LTBP1: variants seen among roughly 807,000 people sequenced by gnomAD.
The protein encoded by LTBP1 is latent transforming growth factor beta binding protein 1, also known as latent-transforming growth factor beta-binding protein 1.
LTBP1 carries 129 observed loss-of-function variants against 207.6 expected under a neutral mutation model. That is an observed-to-expected ratio of 0.62 (90% CI 0.54 to 0.72). The LOEUF (loss-of-function observed/expected upper bound fraction) is 0.72, where lower values mean the gene tolerates loss of function less well. Among genes scored for constraint, LTBP1 ranks in the 30% least tolerant of loss-of-function variants. LTBP1 has a pLI of 0.00. For synonymous variants in LTBP1, 963 were observed against 833.7 expected (o/e 1.16, Z -2.67); for missense variants, 2,281 against 2,217.2 (o/e 1.03, Z -0.58).
intron 27 of LTBP1, among the ~76,000 whole-genome samples, chr2:33,361,113 C>T (rs12999028): frequency 0.99 from 151,576 of 152,360 alleles, 75,401 homozygotes; most frequent in Middle Eastern, 1. Context: ...GCTATGATTT[C>T]GTGTAATTGA....
At chr2:33,204,089 C>G (rs552765942) in intron 7 of LTBP1, among the ~76,000 whole-genome samples, 1 of 152,198 alleles carries the variant, frequency 6.6e-6, no homozygotes, top group East Asian at 1.9e-4. Flanking sequence ...GAAATCTGCC[C>G]CATAAAGTTG....
intron 31 of LTBP1, among the ~76,000 whole-genome samples, chr2:33,384,324 C>T (rs916462861): frequency 6.6e-6 from 1 of 152,344 alleles, no homozygotes; most frequent in South Asian, 2.1e-4. Flanking sequence ...CGTCCCATAG[C>T]ATCCCTTATG....
intron 2 of LTBP1, among the ~76,000 whole-genome samples, chr2:33,016,799 G>T (rs1260426272): frequency 1.3e-5 from 2 of 152,208 alleles, no homozygotes; most frequent in African/African-American, 4.8e-5. Flanking sequence ...GAAGTGGGTG[G>T]ATCACCTGAG....
At chr2:33,342,995 C>T (rs1247241116) in intron 25 of LTBP1, 32 bp downstream of exon 25, 1 of 1,601,548 alleles carries the variant, frequency 6.2e-7, no homozygotes, top group South Asian at 1.1e-5. Flanking sequence ...CAACGTGTTT[C>T]ACATGTCCCT....
At chr2:33,291,649 T>C (rs2148819871) in intron 19 of LTBP1, 1 of 152,332 alleles carries the variant, frequency 6.6e-6, no homozygotes, top group Middle Eastern at 3.4e-3. Context: ...ATTAGTGATA[T>C]TTTGTGAAAG....
intron 26 of LTBP1, among the ~76,000 whole-genome samples, chr2:33,349,793 G>A (rs2094755570): frequency 1.3e-5 from 2 of 152,208 alleles, no homozygotes; most frequent in African/African-American, 4.8e-5. Context: ...ACTGGTTGAT[G>A]TAATATTTAA....
chr2:33,282,597 C>T (rs2093582050), intron 19 of LTBP1, among the ~76,000 whole-genome samples: 1 of 152,130 alleles, frequency 6.6e-6, no homozygotes, highest in South Asian at 2.1e-4. Flanking sequence ...ACTGCCCAGC[C>T]CTAGCTTTGT....
chr2:32,970,262 A>G (rs915771126), intron 2 of LTBP1, among the ~76,000 whole-genome samples: 2 of 152,160 alleles, frequency 1.3e-5, no homozygotes, highest in African/African-American at 2.4e-5. Flanking sequence ...GAAGCTCTTT[A>G]GTTTAATTAG....
intron 4 of LTBP1, among the ~76,000 whole-genome samples, chr2:33,120,244 A>C (rs1003939832): frequency 6.7e-6 from 1 of 149,812 alleles, no homozygotes; most frequent in Non-Finnish European, 1.5e-5. Flanking sequence ...ACATAGGTAA[A>C]CACGTGTCAC....
At chr2:33,379,619 A>AG (rs1201137082) in intron 31 of LTBP1, among the ~76,000 whole-genome samples, 2 of 152,242 alleles carry the variant, frequency 1.3e-5, no homozygotes, top group Non-Finnish European at 2.9e-5. Context: ...ACAGATCCAG[A>AG]GGGGAAGGAA....
chr2:33,241,001 G>A (rs2092302859), intron 9 of LTBP1, among the ~76,000 whole-genome samples: 1 of 152,148 alleles, frequency 6.6e-6, no homozygotes, highest in African/African-American at 2.4e-5. Flanking sequence ...AAGTAGATAT[G>A]CAAAAATTCA....
intron 26 of LTBP1, among the ~76,000 whole-genome samples, chr2:33,350,193 T>A (rs949882491): frequency 1.3e-5 from 2 of 152,170 alleles, no homozygotes; most frequent in Admixed American, 1.3e-4. Context: ...GAAAAGTACT[T>A]AGGAAGGGAA....
chr2:33,041,588 G>A (rs539597681), intron 3 of LTBP1, among the ~76,000 whole-genome samples: 4 of 152,320 alleles, frequency 2.6e-5, no homozygotes, highest in Non-Finnish European at 4.4e-5. Context: ...GGCCCAGACT[G>A]TGTCTTTTCT....
intron 9 of LTBP1, among the ~76,000 whole-genome samples, chr2:33,242,643 G>T (rs1573385007): frequency 6.9e-6 from 1 of 145,048 alleles, no homozygotes; most frequent in Non-Finnish European, 1.5e-5. Context: ...ACTTTCTCAT[G>T]ATGTGTAGTC....
intron 3 of LTBP1, among the ~76,000 whole-genome samples, chr2:33,032,390 C>T (rs1359914156): frequency 2.6e-5 from 4 of 152,154 alleles, no homozygotes; most frequent in African/African-American, 9.7e-5. Context: ...TATAGCTTTG[C>T]CATAACTACT....
chr2:33,241,794 C>T (rs1658947861), intron 9 of LTBP1, among the ~76,000 whole-genome samples: 2 of 152,146 alleles, frequency 1.3e-5, no homozygotes, highest in African/African-American at 2.4e-5. Flanking sequence ...TCACTTGTAC[C>T]GTGTAAGCTC....
chr2:33,052,549 A>G (rs1205505180), intron 3 of LTBP1, among the ~76,000 whole-genome samples: 1 of 152,256 alleles, frequency 6.6e-6, no homozygotes, highest in African/African-American at 2.4e-5. Context: ...CTATTTGGCA[A>G]CTACATATTT....
At chr2:33,275,684 C>CA (rs370813252) in intron 17 of LTBP1, 117 bp from the exon 18 acceptor site, 49,594 of 988,092 alleles carry the variant, frequency 0.05, 1 homozygote, top group East Asian at 0.056. Flanking sequence ...AACTCCATCT[C>CA]AAAAAAAAAA....
At chr2:33,300,350 C>T in intron 20 of LTBP1, 101 bp from the exon 21 acceptor site, 1 of 1,169,024 alleles carries the variant, frequency 8.6e-7, no homozygotes, top group Non-Finnish European at 1.2e-6. Flanking sequence ...ATAAGAAGTA[C>T]TATTATTTTT....
Sources: allele counts gnomAD v4.1 joint callset (sites outside exome capture counted in the v4.1 genomes callset), GRCh38; gene constraint gnomAD v4.1.1; transcripts MANE v1.5; gene names NCBI Gene and HGNC (gene_info 2026-07-23, HGNC 2026-07-21).